IL34: variants seen among roughly 807,000 people sequenced by gnomAD.
The protein encoded by IL34 is interleukin-34.
In IL34, 17 loss-of-function variants were observed where a neutral mutation model predicts 25.3. The ratio of observed to expected loss-of-function variants is 0.67; its 90% CI spans 0.46 to 1.01. IL34 has a LOEUF of 1.01. IL34 is among the 50% of genes least tolerant of loss of function. The probability of loss-of-function intolerance (pLI) is 0.00; values close to 1 mark genes in which losing one functional copy is unlikely to be tolerated. For synonymous variants in IL34, 174 were observed against 140.9 expected, an observed-to-expected ratio of 1.23 and a Z score of -1.66; for missense variants, 368 against 312.9, an observed-to-expected ratio of 1.18 and a Z score of -1.33.
At chr16:70,616,989 G>A (rs2051183009) in intron 1 of IL34, among the ~76,000 whole-genome samples, 1 of 152,036 alleles carries the variant, frequency 6.6e-6, no homozygotes, top group African/African-American at 2.4e-5. Context: ...TTTTTGGGGG[G>A]TGGTATGGAG....
At chr16:70,608,119 CTTTTTTCT>C (rs1391803682) in intron 1 of IL34, among the ~76,000 whole-genome samples, 8 of 68,758 alleles carry the variant, frequency 1.2e-4, no homozygotes, top group African/African-American at 4.3e-4. Flanking sequence ...GATTGATTTT[CTTTTTTCT>C]TTTTTTTTTT....
intron 1 of IL34, among the ~76,000 whole-genome samples, chr16:70,602,309 A>G (rs981642983): frequency 6.6e-6 from 1 of 152,168 alleles, no homozygotes; most frequent in African/African-American, 2.4e-5. Context: ...TTGCTCCCCA[A>G]CTTGCCAGCT....
intron 1 of IL34, among the ~76,000 whole-genome samples, chr16:70,653,346 CAAA>C (rs200626111): frequency 9.2e-5 from 8 of 86,850 alleles, no homozygotes; most frequent in Non-Finnish European, 5.4e-5. Context: ...AACCCTGTCT[CAAA>C]AAAAAAAAAA....
intron 4 of IL34, among the ~76,000 whole-genome samples, chr16:70,657,896 G>A (rs1417114521): frequency 6.6e-6 from 1 of 152,170 alleles, no homozygotes; most frequent in Non-Finnish European, 1.5e-5. Flanking sequence ...TGTAAATTAT[G>A]GACTTTAGTT....
At chr16:70,632,137 C>T (rs999189968) in intron 1 of IL34, among the ~76,000 whole-genome samples, 6 of 151,384 alleles carry the variant, frequency 4.0e-5, no homozygotes, top group African/African-American at 1.2e-4. Context: ...TAATAGTTCC[C>T]AACTCCAGCC....
chr16:70,650,253 T>C (rs897881217), intron 1 of IL34, among the ~76,000 whole-genome samples: 4 of 152,134 alleles, frequency 2.6e-5, no homozygotes, highest in African/African-American at 4.8e-5. Context: ...GCCTGGTCCC[T>C]GTTTGTTAAC....
chr16:70,591,570 T>TA (rs35725906), intron 1 of IL34, among the ~76,000 whole-genome samples: 3,932 of 127,166 alleles, frequency 0.031, 219 homozygotes, highest in African/African-American at 0.11. Context: ...TCCTGTCTCT[T>TA]AAAAAAAAAA....
intron 1 of IL34, among the ~76,000 whole-genome samples, chr16:70,634,370 C>G (rs2051591233): frequency 6.6e-6 from 1 of 152,094 alleles, no homozygotes; most frequent in Non-Finnish European, 1.5e-5. Flanking sequence ...GACCACCACT[C>G]TAACAAAGAA....
chr16:70,616,062 TCTTG>T (rs1400142603), intron 1 of IL34, among the ~76,000 whole-genome samples: 1 of 152,168 alleles, frequency 6.6e-6, no homozygotes, highest in Non-Finnish European at 1.5e-5. Context: ...CCATTCAGTG[TCTTG>T]CTTGTTTTAC....
intron 1 of IL34, among the ~76,000 whole-genome samples, chr16:70,601,260 A>G (rs1427094668): frequency 6.6e-6 from 1 of 151,856 alleles, no homozygotes; most frequent in Non-Finnish European, 1.5e-5. Flanking sequence ...CTCTTTATTT[A>G]TTTATTTAAA....
At position 70,640,548 on chromosome 16, in the gene IL34, C is replaced by T. The variant is rs1463620271; in HGVS notation, c.-400-6000C>T. The stretch of plus-strand genomic sequence containing the variant: ...CTGAGGCAGGAGAATCTCTTGAACC[C>T]GGGAGGTGGAGGTTGTAGTGAGCCG... On this transcript the variant is annotated intron_variant, in intron 1 of 6. Coordinates refer to the IL34 transcript ENST00000429149. 5.3e-5 allele frequency among the ~76,000 whole-genome samples: 8 copies of T among 150,242 alleles called. No individual in the cohort carries two copies. In the South Asian group the frequency reaches 1.1e-3, roughly 20 times the overall value.
At chr16:70,626,871 C>G (rs1203411801) in intron 1 of IL34, among the ~76,000 whole-genome samples, 3 of 152,126 alleles carry the variant, frequency 2.0e-5, no homozygotes, top group Admixed American at 6.5e-5. Context: ...ATCATGAGCT[C>G]TTTTCTCTGT....
chr16:70,658,653 T>G (rs2052297978), intron 4 of IL34, among the ~76,000 whole-genome samples: 1 of 151,108 alleles, frequency 6.6e-6, no homozygotes, highest in Non-Finnish European at 1.5e-5. Context: ...GTATTTTTAG[T>G]AGAGACGGGG....
chr16:70,654,799 T>G (rs1037813862), intron 2 of IL34, 128 bp downstream of exon 2: 1 of 1,243,696 alleles, frequency 8.0e-7, no homozygotes, highest in Non-Finnish European at 1.1e-6. Context: ...CCTGTTTCTC[T>G]GCCTTTCTCC....
chr16:70,617,264 G>A (rs1183037990), intron 1 of IL34, among the ~76,000 whole-genome samples: 1 of 152,196 alleles, frequency 6.6e-6, no homozygotes, highest in Non-Finnish European at 1.5e-5. Flanking sequence ...CATCTGATTA[G>A]AGAGTGCCTA....
At chr16:70,626,506 C>G (rs1324664922) in intron 1 of IL34, among the ~76,000 whole-genome samples, 1 of 152,168 alleles carries the variant, frequency 6.6e-6, no homozygotes, top group African/African-American at 2.4e-5. Flanking sequence ...AAGTGATTGT[C>G]CTGCCTCAGC....
chr16:70,648,983 T>C (rs1193575276), intron 1 of IL34, among the ~76,000 whole-genome samples: 1 of 152,160 alleles, frequency 6.6e-6, no homozygotes, highest in Non-Finnish European at 1.5e-5. Flanking sequence ...TGTGTCTCTA[T>C]GTCCTCTCCT....
At chr16:70,655,484 C>G (rs759204235) in intron 2 of IL34, among the ~76,000 whole-genome samples, 75 of 151,034 alleles carry the variant, frequency 5.0e-4, no homozygotes, top group Non-Finnish European at 1.2e-4. Flanking sequence ...ACCTCCAAGG[C>G]TCAAATGATC....
intron 1 of IL34, among the ~76,000 whole-genome samples, chr16:70,619,056 T>C (rs893272137): frequency 1.3e-5 from 2 of 152,330 alleles, no homozygotes; most frequent in Admixed American, 6.5e-5. Context: ...ATTTGGTTGA[T>C]AAGGCATAGA....
Sources: gnomAD v4.1 joint callset for allele counts (sites outside exome capture counted in the v4.1 genomes callset) on GRCh38, gnomAD v4.1.1 for gene constraint, MANE v1.5 for transcripts, NCBI Gene and HGNC (gene_info 2026-07-23, HGNC 2026-07-21) for gene names.